The following AGBL1 variants were observed in gnomAD, a reference collection of about 807,000 sequenced individuals.
AGBL1 encodes AGBL carboxypeptidase 1, also known as cytosolic carboxypeptidase 4.
AGBL1 carries 130 observed loss-of-function variants against 118.9 expected under a neutral mutation model. The observed-to-expected ratio is 1.09, with a 90% CI of 0.95 to 1.26. The LOEUF (loss-of-function observed/expected upper bound fraction) is 1.26, where lower values mean the gene tolerates loss of function less well. Ranked by LOEUF, AGBL1 falls within the 50% of genes most tolerant of loss-of-function variation. The pLI is 0.00. For synonymous variants in AGBL1, 555 were observed against 478.9 expected, an observed-to-expected ratio of 1.16 and a Z score of -2.08; for missense variants, 1,584 against 1,298.1, an observed-to-expected ratio of 1.22 and a Z score of -3.38.
At chr15:86,635,324 TCCTCCTCCTCC>T (rs2085064143) in intron 21 of AGBL1, among the ~76,000 whole-genome samples, 1 of 93,352 alleles carries the variant, frequency 1.1e-5, no homozygotes, top group Non-Finnish European at 2.0e-5. Flanking sequence ...CTCCTCCTCC[TCCTCCTCCTCC>T]TCCTACTCCT....
chr15:86,355,544 C>T (rs1435785718), intron 17 of AGBL1, among the ~76,000 whole-genome samples: 1 of 152,236 alleles, frequency 6.6e-6, no homozygotes, highest in African/African-American at 2.4e-5. Flanking sequence ...AACCCATCTT[C>T]AGCCTTCACC....
chr15:86,384,775 G>A (rs1232754554), intron 17 of AGBL1, among the ~76,000 whole-genome samples: 1 of 152,002 alleles, frequency 6.6e-6, no homozygotes, highest in Non-Finnish European at 1.5e-5. Flanking sequence ...CTTTCTTATA[G>A]TTTAGAGACA....
In AGBL1 at chr15:86,937,442, A is replaced by G. The variant is rs146499626; in HGVS notation, c.3222-50545A>G. 2.1e-3 allele frequency among the ~76,000 whole-genome samples: 327 copies of G among 152,348 alleles called. 1 individual carries two copies. The highest frequency in any genetic ancestry group is 5.1e-3 in the Admixed American group (78 of 15,304). ...CGTAGACTGGATAAGTGTAATACAT[A>G]TACTCCATGGAATACTATGCAGCCA... On this transcript the variant is annotated intron_variant, in intron 23 of 24. Coordinates refer to the AGBL1 transcript ENST00000441037.
intron 22 of AGBL1, among the ~76,000 whole-genome samples, chr15:86,875,763 G>A (rs1359747538): frequency 1.3e-5 from 2 of 152,304 alleles, no homozygotes; most frequent in Admixed American, 1.3e-4. Flanking sequence ...AGAGATCAAT[G>A]AAAGTTAACC....
At chr15:86,522,370 G>A (rs2083200563) in intron 18 of AGBL1, among the ~76,000 whole-genome samples, 1 of 152,082 alleles carries the variant, frequency 6.6e-6, no homozygotes, top group African/African-American at 2.4e-5. Flanking sequence ...TCTTCATTGG[G>A]GTGTTCTAAT....
intron 1 of AGBL1, among the ~76,000 whole-genome samples, chr15:86,101,178 C>T (rs528614196): frequency 3.3e-5 from 5 of 152,012 alleles, no homozygotes; most frequent in Admixed American, 6.6e-5. Flanking sequence ...TTCCAAAGTT[C>T]GTTTGTTATT....
intron 23 of AGBL1, among the ~76,000 whole-genome samples, chr15:86,967,935 A>G (rs1266476803): frequency 6.6e-6 from 1 of 151,978 alleles, no homozygotes; most frequent in Non-Finnish European, 1.5e-5. Flanking sequence ...CATTTTCACG[A>G]TATTGATTCT....
chr15:86,107,120 G>A (rs1897097924), intron 1 of AGBL1, among the ~76,000 whole-genome samples: 1 of 152,178 alleles, frequency 6.6e-6, no homozygotes, highest in Admixed American at 6.5e-5. Flanking sequence ...CCAGCAAGCT[G>A]ATGTATGCAC....
At chr15:86,399,735 G>A (rs1442627656) in intron 18 of AGBL1, among the ~76,000 whole-genome samples, 2 of 152,180 alleles carry the variant, frequency 1.3e-5, no homozygotes, top group African/African-American at 4.8e-5. Context: ...TATCCTCCTG[G>A]CCTGGACACA....
chr15:86,576,456 T>C (rs2084093278), intron 21 of AGBL1, among the ~76,000 whole-genome samples: 1 of 152,188 alleles, frequency 6.6e-6, no homozygotes, highest in African/African-American at 2.4e-5. Context: ...TGGTTATAGC[T>C]TGGTGTTTGC....
At chr15:86,325,147 C>A (rs2080166298) in intron 17 of AGBL1, among the ~76,000 whole-genome samples, 1 of 151,978 alleles carries the variant, frequency 6.6e-6, no homozygotes. Context: ...AGGATGGAGG[C>A]CTAGAAGACT....
At chr15:86,765,654 T>C (rs2078087295) in intron 22 of AGBL1, among the ~76,000 whole-genome samples, 2 of 152,000 alleles carry the variant, frequency 1.3e-5, no homozygotes, top group Admixed American at 6.6e-5. Flanking sequence ...AGTCTCAGTG[T>C]TCTGTTGAAG....
chr15:86,972,528 TC>T lies in AGBL1; in HGVS notation c.3222-15458del, dbSNP rs1241078921. ...ATAACTTCTGATTTGAAAATAAGAA[TC>T]TTATCTATCACACTTTTATCTTATG... is the stretch of plus-strand genomic sequence containing the variant. On this transcript the variant is annotated intron_variant, in intron 23 of 24. Transcript: ENST00000441037. 1.1e-4 allele frequency among the ~76,000 whole-genome samples: 16 copies of T among 152,134 alleles called. No individual in the cohort carries two copies. In the East Asian group the frequency reaches 2.3e-3, roughly 22 times the overall value.
intron 22 of AGBL1, among the ~76,000 whole-genome samples, chr15:86,692,796 G>A (rs977197186): frequency 2.0e-5 from 3 of 152,054 alleles, no homozygotes; most frequent in African/African-American, 7.2e-5. Flanking sequence ...AGACCACTGT[G>A]TCATTCTTAT....
chr15:86,598,706 A>G (rs1478523690), intron 21 of AGBL1, among the ~76,000 whole-genome samples: 2 of 152,254 alleles, frequency 1.3e-5, no homozygotes, highest in South Asian at 2.1e-4. Context: ...TGCACAAGCA[A>G]TGGGTCAATT....
intron 24 of AGBL1, among the ~76,000 whole-genome samples, chr15:86,989,201 A>G (rs2081313790): frequency 2.0e-5 from 3 of 151,936 alleles, no homozygotes; most frequent in African/African-American, 7.3e-5. Context: ...GGGTCTCACT[A>G]TGTTGCCTGG....
intron 24 of AGBL1, among the ~76,000 whole-genome samples, chr15:87,002,803 G>T (rs2141763739): frequency 6.6e-6 from 1 of 152,256 alleles, no homozygotes; most frequent in East Asian, 1.9e-4. Flanking sequence ...GTATAAGAAT[G>T]CTTGTGATTT....
At chr15:86,104,847 G>T (rs570240746) in intron 1 of AGBL1, among the ~76,000 whole-genome samples, 3 of 152,038 alleles carry the variant, frequency 2.0e-5, no homozygotes, top group Non-Finnish European at 2.9e-5. Flanking sequence ...GCCAGTGTAC[G>T]ATCTCTAGGT....
chr15:86,406,129 G>A (rs1411791651), intron 18 of AGBL1, among the ~76,000 whole-genome samples: 2 of 152,216 alleles, frequency 1.3e-5, no homozygotes, highest in African/African-American at 4.8e-5. Flanking sequence ...GGGAGCTGAA[G>A]GAGTAGGGAT....
Sources: allele counts gnomAD v4.1 joint callset (sites outside exome capture counted in the v4.1 genomes callset), GRCh38; gene constraint gnomAD v4.1.1; transcripts MANE v1.5; gene names NCBI Gene and HGNC (gene_info 2026-07-23, HGNC 2026-07-21).